The following MED12L variants were observed in gnomAD, a reference collection of about 807,000 sequenced individuals.
MED12L encodes mediator complex subunit 12L.
Under a neutral mutation model 281.3 loss-of-function variants are expected in MED12L, and 60 were observed. The ratio of observed to expected loss-of-function variants is 0.21; its 90% CI spans 0.17 to 0.26. The LOEUF is 0.26. Among genes scored for constraint, MED12L ranks in the 10% least tolerant of loss-of-function variants. The pLI, the probability that MED12L is intolerant of heterozygous loss-of-function variation, is 1.00. For synonymous variants in MED12L, 974 were observed against 987.2 expected, an observed-to-expected ratio of 0.99 and a Z score of 0.25; for missense variants, 2,146 against 2,680.9, an observed-to-expected ratio of 0.80 and a Z score of 4.41.
At position 151,379,305 on chromosome 3, in the gene MED12L, C is replaced by T. The variant is rs182269748; in HGVS notation, c.4479-808C>T. ...AAGATCGCTCTTCCCACATCAGGGG[C>T]TCTTTATTCTGCCCATGGAGAATAA... On this transcript the variant is annotated intron_variant, in intron 31 of 44. Coordinates refer to ENST00000687756, the MANE Select transcript of MED12L (RefSeq NM_001393769.1). 5.3e-5 allele frequency among the ~76,000 whole-genome samples: 8 copies of T among 152,342 alleles called. No homozygotes were observed. The East Asian group carries it at 9.6e-4, about 18-fold the overall frequency.
intron 16 of MED12L, among the ~76,000 whole-genome samples, chr3:151,339,495 C>G (rs910169268): frequency 8.3e-4 from 125 of 151,026 alleles, no homozygotes; most frequent in Non-Finnish European, 8.1e-4. Context: ...CTATATTGCT[C>G]ACTCATTCAA....
At chr3:151,406,982 G>A (rs1021241312) in intron 39 of MED12L, among the ~76,000 whole-genome samples, 1 of 151,688 alleles carries the variant, frequency 6.6e-6, no homozygotes, top group Non-Finnish European at 1.5e-5. Flanking sequence ...TGTATTTTTT[G>A]TAGAGATCAG....
At chr3:151,178,157 C>CAAAAAA (rs10572929) in intron 11 of MED12L, among the ~76,000 whole-genome samples, 21 of 49,164 alleles carry the variant, frequency 4.3e-4, no homozygotes, top group Non-Finnish European at 6.9e-4. Flanking sequence ...GACTTGGTCT[C>CAAAAAA]AAAAAAAAAA....
At chr3:151,247,018 A>C (rs2149422443) in intron 16 of MED12L, among the ~76,000 whole-genome samples, 1 of 151,734 alleles carries the variant, frequency 6.6e-6, no homozygotes, top group African/African-American at 2.4e-5. Flanking sequence ...CACATGAAAA[A>C]ATCCTCACTG....
intron 39 of MED12L, among the ~76,000 whole-genome samples, chr3:151,402,081 G>A (rs1287452746): frequency 2.6e-5 from 4 of 152,194 alleles, no homozygotes; most frequent in Non-Finnish European, 5.9e-5. Flanking sequence ...AATCAATTAT[G>A]TACCTATATG....
At chr3:151,411,234 T>G in intron 40 of MED12L, 44 bp from the exon 41 acceptor site, 1 of 1,542,188 alleles carries the variant, frequency 6.5e-7, no homozygotes, top group Non-Finnish European at 9.0e-7. Context: ...GAAAGCTAGG[T>G]GATAAGTTGA....
At position 151,163,962 on chromosome 3, in the gene MED12L, C is replaced by T; in HGVS notation, c.1177C>T (p.Pro393Ser). ...YSTNENKSAN[P>S]GSPLDLLQVA... ...CACAAATGAAAATAAGAGCGCAAAC[C>T]CAGGCTCACCCCTGGATCTGCTGCA... is the stretch of plus-strand genomic sequence containing the variant. The change falls in exon 9 of 45, where the codon CCA (proline) becomes TCA (serine). Residue 393 changes from proline (P) to serine (S), a missense_variant. By Grantham distance (74) the Pro-to-Ser change is moderately conservative. Around this residue, in one of 9 missense-constraint regions of MED12L, gnomAD observed 722 missense variants for 861.2 expected, o/e 0.84. Transcript: ENST00000687756. The T allele has an allele frequency of 6.2e-7, 1 of 1,613,598 alleles. No individual in the cohort carries two copies. The highest frequency in any genetic ancestry group is 8.5e-7 in the Non-Finnish European group (1 of 1,179,764).
chr3:151,249,627 A>C (rs1736448952), intron 16 of MED12L, among the ~76,000 whole-genome samples: 1 of 151,906 alleles, frequency 6.6e-6, no homozygotes, highest in Non-Finnish European at 1.5e-5. Context: ...TACCTCTTCT[A>C]CTCCATCTGT....
At chr3:151,374,571 G>GAA (rs1307015368) in intron 27 of MED12L, among the ~76,000 whole-genome samples, 1 of 151,820 alleles carries the variant, frequency 6.6e-6, no homozygotes, top group Non-Finnish European at 1.5e-5. Flanking sequence ...AAGAAAGAAA[G>GAA]AAATGTTACA....
chr3:151,156,361 G>A (rs769264291), intron 6 of MED12L, 31 bp downstream of exon 6: 2 of 1,550,100 alleles, frequency 1.3e-6, no homozygotes, highest in African/African-American at 1.4e-5. Flanking sequence ...AGAGTTGTGT[G>A]CAATGCTTTT....
At chr3:151,115,921 C>T (rs992403484) in intron 2 of MED12L, among the ~76,000 whole-genome samples, 1 of 151,192 alleles carries the variant, frequency 6.6e-6, no homozygotes, top group Non-Finnish European at 1.5e-5. Flanking sequence ...AGCCGGGCAT[C>T]GTGGCAGGCG....
At chr3:151,283,932 A>AACT (rs1169420256) in intron 16 of MED12L, among the ~76,000 whole-genome samples, 1 of 152,190 alleles carries the variant, frequency 6.6e-6, no homozygotes, top group African/African-American at 2.4e-5. Flanking sequence ...TAGGACAGGT[A>AACT]ACTAAGAGGA....
At chr3:151,330,231 A>G (rs944893410) in intron 16 of MED12L, among the ~76,000 whole-genome samples, 5 of 152,236 alleles carry the variant, frequency 3.3e-5, no homozygotes, top group Non-Finnish European at 7.3e-5. Flanking sequence ...GGAGGCACTA[A>G]AAAATGTTAG....
At chr3:151,213,910 C>T (rs1256464756) in intron 16 of MED12L, 2 of 1,614,038 alleles carry the variant, frequency 1.2e-6, no homozygotes, top group East Asian at 2.2e-5. Context: ...TTTGCTGTAA[C>T]TCACTGACTG....
At chr3:151,426,752 G>A (rs1225027511) in intron 43 of MED12L, among the ~76,000 whole-genome samples, 1 of 151,764 alleles carries the variant, frequency 6.6e-6, no homozygotes, top group Non-Finnish European at 1.5e-5. Flanking sequence ...GTTCCTGGAA[G>A]TAACATGCTT....
chr3:151,213,704 A>G, intron 16 of MED12L: 2 of 1,614,214 alleles, frequency 1.2e-6, no homozygotes. Context: ...GCAGTATAGA[A>G]AACGATTAAC....
At chr3:151,253,272 C>T (rs919998718) in intron 16 of MED12L, among the ~76,000 whole-genome samples, 1 of 152,164 alleles carries the variant, frequency 6.6e-6, no homozygotes, top group Non-Finnish European at 1.5e-5. Flanking sequence ...TTGAGAGGCA[C>T]GTATACTGCA....
chr3:151,180,913 A>G (rs557532846), intron 11 of MED12L, among the ~76,000 whole-genome samples: 120 of 152,280 alleles, frequency 7.9e-4, no homozygotes, highest in African/African-American at 2.6e-3. Flanking sequence ...CAACTACCCT[A>G]TTCTTCTTCC....
intron 16 of MED12L, chr3:151,336,704 A>G (rs1751039825): frequency 2.9e-6 from 1 of 346,994 alleles, no homozygotes; most frequent in Non-Finnish European, 5.6e-6. Context: ...TGAAATGAGA[A>G]GTCATCTTCA....
Sources: gnomAD v4.1 joint callset for allele counts (sites outside exome capture counted in the v4.1 genomes callset) on GRCh38, gnomAD v4.1.1 for gene constraint, gnomAD v4.1.1 regional missense constraint, MANE v1.5 for transcripts, NCBI Gene and HGNC (gene_info 2026-07-23, HGNC 2026-07-21) for gene names.